The following LRCH3 variants were observed in gnomAD, a reference collection of about 807,000 sequenced individuals.
LRCH3 encodes the protein DISP complex protein LRCH3.
In LRCH3, 68 loss-of-function variants were observed where a neutral mutation model predicts 104.5. The observed-to-expected ratio is 0.65, with a 90% CI of 0.54 to 0.80. The LOEUF (loss-of-function observed/expected upper bound fraction) is 0.80, where lower values mean the gene tolerates loss of function less well. Among genes scored for constraint, LRCH3 ranks in the 30% least tolerant of loss-of-function variants. The probability of loss-of-function intolerance (pLI) is 0.00; values close to 1 mark genes in which losing one functional copy is unlikely to be tolerated. For missense variants in LRCH3, 951 were observed against 953.9 expected (o/e 1.00, Z 0.04); for synonymous variants, 344 against 361.3 (o/e 0.95, Z 0.54).
intron 8 of LRCH3, among the ~76,000 whole-genome samples, chr3:197,835,277 G>A (rs546919958): frequency 2.4e-4 from 36 of 151,786 alleles, no homozygotes; most frequent in African/African-American, 6.5e-4. Flanking sequence ...TCTGTCTCCC[G>A]GGTTCAAGCA....
rs539351670 is a variant in LRCH3, at chr3:197,850,178, C to T, written c.1530+2157C>T. 1.1e-4 allele frequency among the ~76,000 whole-genome samples: 17 copies of T among 152,144 alleles called. No individual in the cohort carries two copies. In the South Asian group the frequency reaches 2.9e-3, roughly 26 times the overall value. The stretch of plus-strand genomic sequence containing the variant: ...AAAATAATGGCACTTGCAGGAAACA[C>T]CAGCTGGCCTGGAGAGTTTGTATTG... On this transcript the variant is annotated intron_variant, in intron 12 of 20. Transcript: ENST00000425562.
intron 12 of LRCH3, among the ~76,000 whole-genome samples, chr3:197,849,407 T>C (rs1739251994): frequency 6.6e-6 from 1 of 152,244 alleles, no homozygotes; most frequent in South Asian, 2.1e-4. Context: ...ATGTTTCTTC[T>C]TTTTGTGCCT....
At chr3:197,850,889 A>G in intron 12 of LRCH3, 1 of 879,048 alleles carries the variant, frequency 1.1e-6, no homozygotes, top group Non-Finnish European at 2.0e-6. Flanking sequence ...AGTGAACACG[A>G]AGATTGGAAC....
chr3:197,853,514 T>C (rs1580818582), intron 13 of LRCH3, among the ~76,000 whole-genome samples: 1 of 152,186 alleles, frequency 6.6e-6, no homozygotes, highest in East Asian at 1.9e-4. Context: ...TTTATGATCA[T>C]TACCTCCTTG....
chr3:197,800,443 A>G (rs1027294852), intron 1 of LRCH3, among the ~76,000 whole-genome samples: 1 of 152,234 alleles, frequency 6.6e-6, no homozygotes, highest in South Asian at 2.1e-4. Context: ...GCTGAACCTC[A>G]TCAGTAATCA....
chr3:197,844,678 C>T (rs551664054), intron 10 of LRCH3, among the ~76,000 whole-genome samples: 17 of 151,972 alleles, frequency 1.1e-4, no homozygotes, highest in South Asian at 4.2e-4. Flanking sequence ...AGTGCAGTGG[C>T]GCGATCTTGA....
chr3:197,825,858 T>C (rs1018898461), intron 4 of LRCH3, among the ~76,000 whole-genome samples: 3 of 152,206 alleles, frequency 2.0e-5, no homozygotes, highest in South Asian at 4.1e-4. Flanking sequence ...ACCATTCTTA[T>C]GAATTTTTAA....
chr3:197,809,429 T>C (rs1732871115), intron 1 of LRCH3, among the ~76,000 whole-genome samples: 1 of 152,346 alleles, frequency 6.6e-6, no homozygotes, highest in Admixed American at 6.5e-5. Flanking sequence ...TTCATGACTC[T>C]TGCCAAACTT....
chr3:197,829,504 T>C, intron 5 of LRCH3, 60 bp from the exon 6 acceptor site: 1 of 1,066,650 alleles, frequency 9.4e-7, no homozygotes, highest in Admixed American at 2.3e-5. Flanking sequence ...GTTGATATGA[T>C]AAAAAGGAGC....
At chr3:197,876,512 C>T (rs1259780854) in intron 20 of LRCH3, among the ~76,000 whole-genome samples, 1 of 152,006 alleles carries the variant, frequency 6.6e-6, no homozygotes, top group Non-Finnish European at 1.5e-5. Context: ...TCCAATAACC[C>T]CTTTAAAAAG....
intron 1 of LRCH3, among the ~76,000 whole-genome samples, chr3:197,791,903 G>T (rs1408859212): frequency 2.6e-5 from 4 of 152,154 alleles, no homozygotes; most frequent in Admixed American, 6.5e-5. Context: ...AGACGGGAAC[G>T]TTAGCGCGAG....
At chr3:197,869,461 G>A (rs967314113) in intron 17 of LRCH3, among the ~76,000 whole-genome samples, 2 of 147,490 alleles carry the variant, frequency 1.4e-5, no homozygotes, top group Non-Finnish European at 1.5e-5. Context: ...GGTAGAAAGC[G>A]GTGCACTGTA....
At chr3:197,819,739 T>C (rs1051471576) in intron 3 of LRCH3, among the ~76,000 whole-genome samples, 1 of 151,972 alleles carries the variant, frequency 6.6e-6, no homozygotes, top group Non-Finnish European at 1.5e-5. Context: ...AAAAAAAGTC[T>C]AGCTTCTGAT....
intron 1 of LRCH3, among the ~76,000 whole-genome samples, chr3:197,793,838 C>T (rs890286949): frequency 2.0e-5 from 3 of 152,132 alleles, no homozygotes; most frequent in African/African-American, 7.2e-5. Context: ...TCATTTCTAA[C>T]ATGTAGTAAT....
chr3:197,883,298 T>C lies in LRCH3; in HGVS notation c.2209-243T>C, dbSNP rs1713946636. On this transcript the variant is annotated intron_variant, in intron 20 of 20. Coordinates refer to ENST00000425562, the MANE Select transcript of LRCH3 (RefSeq NM_001365715.1). This position sits in a 1 kb window ranked among gnomAD's most constrained non-coding sequence, Gnocchi z 4.2. ...GTTGTATGTATAGATATATGCTACT[T>C]GTCAATTTTCCAATTTTGAAAATGA... 7.8e-7 allele frequency: 1 copy of C among 1,285,290 alleles called. No individual in the cohort carries two copies. The highest frequency in any genetic ancestry group is 1.5e-5 in the African/African-American group (1 of 65,878). 79.6% of individuals were successfully genotyped at this position (1,285,290 alleles called of 1,614,324 possible).
intron 1 of LRCH3, among the ~76,000 whole-genome samples, chr3:197,813,864 G>A (rs1453887715): frequency 2.0e-5 from 3 of 152,072 alleles, no homozygotes; most frequent in Non-Finnish European, 4.4e-5. Flanking sequence ...CTTTTGTAAA[G>A]ATAACAGTCA....
At chr3:197,807,106 A>T (rs1732581055) in intron 1 of LRCH3, among the ~76,000 whole-genome samples, 1 of 151,844 alleles carries the variant, frequency 6.6e-6, no homozygotes, top group Admixed American at 6.6e-5. Context: ...TTAGGGGAGC[A>T]GGTATTGGGA....
chr3:197,815,052 G>T lies in LRCH3; in HGVS notation c.407G>T (p.Ser136Ile). 1.4e-6 allele frequency: 2 copies of T among 1,450,672 alleles called. No homozygotes were observed. The highest frequency in any genetic ancestry group is 2.7e-5 in the South Asian group (2 of 74,578). 89.9% of individuals were successfully genotyped at this position (1,450,672 alleles called of 1,614,324 possible). A position where few individuals can be genotyped will look rare whatever the true frequency, so the allele number is the denominator to read the frequency against. Residue 136 changes from serine (S) to isoleucine (I), a missense_variant and splice_region_variant, in exon 2 of 21, where the codon AGT becomes ATT. By Grantham distance (142) the Ser-to-Ile change is moderately radical (BLOSUM62 -2). Coordinates refer to ENST00000425562, the MANE Select transcript of LRCH3 (RefSeq NM_001365715.1). ...CAAGCTCTAACATTCTTAAATATTAGGTAAGAATATTGTTTTCTTATTTTA... is the reference window on the plus strand; with the variant it reads ...CAAGCTCTAACATTCTTAAATATTATGTAAGAATATTGTTTTCTTATTTTA... ...NLQALTFLNISRNQLSTLPVH... is the reference protein window; with the variant it reads ...NLQALTFLNIIRNQLSTLPVH...
chr3:197,798,869 C>G (rs1279362674), intron 1 of LRCH3, among the ~76,000 whole-genome samples: 1 of 152,212 alleles, frequency 6.6e-6, no homozygotes, highest in Non-Finnish European at 1.5e-5. Flanking sequence ...TTCATTTGCA[C>G]TAGCCACATT....
Sources: gnomAD v4.1 joint callset for allele counts (sites outside exome capture counted in the v4.1 genomes callset) on GRCh38, gnomAD v4.1.1 for gene constraint, Gnocchi (gnomAD v3.1) non-coding constraint, MANE v1.5 for transcripts, NCBI Gene and HGNC (gene_info 2026-07-23, HGNC 2026-07-21) for gene names.